TEK: variants seen among roughly 807,000 people sequenced by gnomAD.
TEK encodes the protein angiopoietin-1 receptor.
TEK carries 43 observed loss-of-function variants against 131.8 expected under a neutral mutation model. The observed-to-expected ratio is 0.33, with a 90% confidence interval of 0.26 to 0.42. The LOEUF is 0.42. Among genes scored for constraint, TEK ranks in the 10% least tolerant of loss-of-function variants. The pLI is 1.00. For missense variants in TEK, 1,162 were observed against 1,384.4 expected, an observed-to-expected ratio of 0.84 and a Z score of 2.55; for synonymous variants, 580 against 491.6, an observed-to-expected ratio of 1.18 and a Z score of -2.38.
chr9:27,221,923 G>C (rs1357427570), intron 21 of TEK, among the ~76,000 whole-genome samples: 1 of 152,124 alleles, frequency 6.6e-6, no homozygotes, highest in African/African-American at 2.4e-5. Context: ...TTCAGAAGGT[G>C]GGTAATAACA....
At chr9:27,141,907 C>T (rs975004204) in intron 1 of TEK, among the ~76,000 whole-genome samples, 3 of 152,154 alleles carry the variant, frequency 2.0e-5, no homozygotes, top group African/African-American at 7.2e-5. Context: ...CACATTTAAA[C>T]TTTATTTTTT....
chr9:27,190,815 G>GGA, intron 10 of TEK, 125 bp downstream of exon 10: 1 of 1,384,932 alleles, frequency 7.2e-7, no homozygotes, highest in Middle Eastern at 1.9e-4. Context: ...CTGTTGCAGA[G>GGA]GATTCTGTTT....
At chr9:27,194,467 C>T (rs1392252889) in intron 11 of TEK, among the ~76,000 whole-genome samples, 1 of 152,092 alleles carries the variant, frequency 6.6e-6, no homozygotes, top group East Asian at 1.9e-4. Flanking sequence ...AAAATAAACC[C>T]AGAAACTATA....
intron 1 of TEK, among the ~76,000 whole-genome samples, chr9:27,134,381 C>T (rs1822340713): frequency 6.6e-6 from 1 of 152,184 alleles, no homozygotes; most frequent in Non-Finnish European, 1.5e-5. Flanking sequence ...TCTAAATTGA[C>T]ATTAAAAATT....
intron 2 of TEK, among the ~76,000 whole-genome samples, chr9:27,167,816 A>C (rs1587543097): frequency 6.6e-6 from 1 of 152,010 alleles, no homozygotes; most frequent in Admixed American, 6.5e-5. Context: ...CCATTTGGTA[A>C]ATTTTTTTTC....
intron 22 of TEK, 53 bp downstream of exon 22, chr9:27,228,358 AGGGT>A: frequency 7.2e-7 from 1 of 1,387,996 alleles, no homozygotes; most frequent in Non-Finnish European, 1.0e-6. Flanking sequence ...TGATGTGCCC[AGGGT>A]GGTTCATAAA....
chr9:27,145,745 TA>T (rs1822893288), intron 1 of TEK, among the ~76,000 whole-genome samples: 1 of 152,174 alleles, frequency 6.6e-6, no homozygotes, highest in Non-Finnish European at 1.5e-5. Context: ...TTAAAATGAG[TA>T]GTCTGTCAAA....
intron 16 of TEK, among the ~76,000 whole-genome samples, chr9:27,211,390 T>TA (rs1825622477): frequency 1.6e-5 from 2 of 128,600 alleles, no homozygotes; most frequent in Admixed American, 7.3e-5. Flanking sequence ...ATATTACTTT[T>TA]CTTTTTTGCT....
intron 8 of TEK, among the ~76,000 whole-genome samples, chr9:27,184,072 G>A (rs577147186): frequency 2.0e-5 from 3 of 152,220 alleles, no homozygotes; most frequent in East Asian, 1.9e-4. Context: ...CTCCTATTAC[G>A]CTCTTTGGAG....
intron 1 of TEK, among the ~76,000 whole-genome samples, chr9:27,111,243 GT>G (rs35625441): frequency 1 from 152,296 of 152,298 alleles, 76,147 homozygotes; most frequent in Middle Eastern, 1. Flanking sequence ...GAGGAAGTAG[GT>G]TCATGTTCTT....
chr9:27,184,218 A>G (rs977662903), intron 8 of TEK, among the ~76,000 whole-genome samples: 2 of 152,108 alleles, frequency 1.3e-5, no homozygotes, highest in African/African-American at 4.8e-5. Flanking sequence ...ATGCTCACCC[A>G]TGGTCAGGTA....
At chr9:27,144,271 A>G (rs1490173973) in intron 1 of TEK, among the ~76,000 whole-genome samples, 1 of 151,726 alleles carries the variant, frequency 6.6e-6, no homozygotes, top group Non-Finnish European at 1.5e-5. Context: ...ACAGAGCAAG[A>G]CTCCGTCTCA....
chr9:27,213,675 C>T (rs967259278), intron 18 of TEK, 78 bp downstream of exon 18: 3 of 1,080,922 alleles, frequency 2.8e-6, no homozygotes, highest in Non-Finnish European at 2.9e-6. Flanking sequence ...CTGAGACTGT[C>T]AGTGCTCTGT....
intron 1 of TEK, among the ~76,000 whole-genome samples, chr9:27,132,989 G>T (rs546829955): frequency 6.6e-6 from 1 of 152,188 alleles, no homozygotes; most frequent in Non-Finnish European, 1.5e-5. Context: ...TGATGGTAGG[G>T]GTAGCTAAAA....
At chr9:27,197,078 T>C (rs1228704980) in intron 11 of TEK, among the ~76,000 whole-genome samples, 1 of 134,778 alleles carries the variant, frequency 7.4e-6, no homozygotes, top group African/African-American at 2.8e-5. Flanking sequence ...CACTGGGGCC[T>C]GTTATATACT....
intron 11 of TEK, among the ~76,000 whole-genome samples, chr9:27,193,051 T>G (rs969398748): frequency 9.9e-5 from 15 of 152,226 alleles, no homozygotes; most frequent in Admixed American, 3.3e-4. Context: ...CCCAGTTTAT[T>G]TATTTTCAAA....
In TEK at chr9:27,137,670, T is replaced by G. The variant is rs141388188; in HGVS notation, c.53-20161T>G. Among the ~76,000 whole-genome samples the G allele has an allele frequency of 4.4e-3, 514 of 116,352 alleles. 1 individual carries two copies. Among genetic ancestry groups the G allele is most frequent in the Admixed American group, 7.4e-3 (86 of 11,658 alleles). The allele number at this position is 116,352 out of a possible 152,430, so 76.3% of individuals were successfully genotyped here. A position where few individuals can be genotyped will look rare whatever the true frequency, so the allele number is the denominator to read the frequency against. ...ACATAGTTCCCGTATGATTAAAGCA[T>G]CTTCTTAACAAGATTTACTTCGTTT... On this transcript the variant is annotated intron_variant, in intron 1 of 22. Transcript: ENST00000380036.
chr9:27,197,695 G>T lies in TEK; in HGVS notation c.1909+96G>T, dbSNP rs1825079841. Reference sequence around the variant, plus strand: ...TCACTGCAGGACTATTGGAAATTATGAAAGAAAGTTAGTTGTGAGAGAAGG... The same window carrying T: ...TCACTGCAGGACTATTGGAAATTATTAAAGAAAGTTAGTTGTGAGAGAAGG... On this transcript the variant is annotated intron_variant, in intron 12 of 22. Coordinates refer to ENST00000380036, the MANE Select transcript of TEK (RefSeq NM_000459.5). 4 of 1,512,162 alleles carry T rather than the reference G, an allele frequency of 2.6e-6. No homozygotes were observed. In the South Asian group the frequency reaches 4.7e-5, roughly 18 times the overall value. 93.7% of individuals were successfully genotyped at this position (1,512,162 alleles called of 1,614,324 possible). A position where few individuals can be genotyped will look rare whatever the true frequency, so the allele number is the denominator to read the frequency against.
At chr9:27,216,401 CAAGGA>C (rs1158328789) in intron 18 of TEK, among the ~76,000 whole-genome samples, 1 of 151,934 alleles carries the variant, frequency 6.6e-6, no homozygotes, top group Non-Finnish European at 1.5e-5. Context: ...AAAAAGTGCA[CAAGGA>C]ACTTAACAAT....
Sources: allele counts gnomAD v4.1 joint callset (sites outside exome capture counted in the v4.1 genomes callset), GRCh38; gene constraint gnomAD v4.1.1; transcripts MANE v1.5; gene names NCBI Gene and HGNC (gene_info 2026-07-23, HGNC 2026-07-21).